Variants in NAV1 observed in about 807,000 individuals in gnomAD.
The protein encoded by NAV1 is neuron navigator 1, also known as pore membrane and/or filament interacting like protein 3.
Under a neutral mutation model 175.2 loss-of-function variants are expected in NAV1, and 18 were observed. The observed-to-expected ratio is 0.10, with a 90% confidence interval of 0.07 to 0.15. The LOEUF is 0.15. Ranked by LOEUF, NAV1 falls within the 10% of genes least tolerant of loss-of-function variation. NAV1 has a pLI of 1.00. For missense variants in NAV1, 1,731 were observed against 2,436.6 expected (o/e 0.71, Z 6.10); for synonymous variants, 897 against 978.7 (o/e 0.92, Z 1.56).
At chr1:201,686,225 G>A (rs1670681480) in intron 1 of NAV1, among the ~76,000 whole-genome samples, 1 of 130,404 alleles carries the variant, frequency 7.7e-6, no homozygotes. Context: ...AACTGCATCT[G>A]CCCCTCCTCT....
intron 1 of NAV1, among the ~76,000 whole-genome samples, chr1:201,706,624 GA>G (rs1671681758): frequency 6.6e-6 from 1 of 152,170 alleles, no homozygotes; most frequent in African/African-American, 2.4e-5. Context: ...GCCATGACTT[GA>G]AAACATTCTT....
chr1:201,557,627 T>C (rs1666067796), intron 1 of NAV1, among the ~76,000 whole-genome samples: 1 of 152,242 alleles, frequency 6.6e-6, no homozygotes, highest in East Asian at 1.9e-4. Context: ...GTTCCTGATC[T>C]TCCCAGTTTT....
chr1:201,637,472 C>T (rs1488406324), intron 2 of NAV1, among the ~76,000 whole-genome samples: 1 of 152,148 alleles, frequency 6.6e-6, no homozygotes, highest in South Asian at 2.1e-4. Context: ...GTGATGTCAT[C>T]ACTGTGTTGA....
chr1:201,730,280 T>C (rs1464867657), intron 3 of NAV1, among the ~76,000 whole-genome samples: 7 of 152,228 alleles, frequency 4.6e-5, no homozygotes, highest in African/African-American at 1.7e-4. Context: ...TCTTCCCCCC[T>C]CCAATTTACA....
intron 1 of NAV1, among the ~76,000 whole-genome samples, chr1:201,567,489 G>A (rs1666390942): frequency 6.6e-6 from 1 of 152,210 alleles, no homozygotes; most frequent in South Asian, 2.1e-4. Context: ...GCGAGCCAGA[G>A]CTCAGCCACC....
chr1:201,792,545 G>C (rs1272679058), intron 13 of NAV1: 1 of 152,376 alleles, frequency 6.6e-6, no homozygotes, highest in Non-Finnish European at 1.5e-5. Flanking sequence ...CAGCACAGAA[G>C]AGCATACAGG....
intron 3 of NAV1, among the ~76,000 whole-genome samples, chr1:201,736,323 T>G (rs1673111308): frequency 1.3e-5 from 2 of 152,176 alleles, no homozygotes; most frequent in Non-Finnish European, 2.9e-5. Flanking sequence ...CAGGTGACCC[T>G]GGAACCCAGA....
chr1:201,716,800 C>T lies in NAV1; in HGVS notation c.861-1590C>T, dbSNP rs1005602821. ...GGCTGAGGCAGGAGGGTCACTTGAG[C>T]TCGGGAGGTCAAGGCTGCAGTGAGC... On this transcript the variant is annotated intron_variant, in intron 2 of 29. Coordinates refer to ENST00000367296, the Ensembl canonical transcript of NAV1. 5.3e-5 allele frequency among the ~76,000 whole-genome samples: 8 copies of T among 152,342 alleles called. No homozygotes were observed. The East Asian group carries it at 1.2e-3, about 22-fold the overall frequency.
chr1:201,629,931 C>T (rs1289192879), intron 2 of NAV1, among the ~76,000 whole-genome samples: 1 of 152,238 alleles, frequency 6.6e-6, no homozygotes, highest in Non-Finnish European at 1.5e-5. Flanking sequence ...TAACAGGCCA[C>T]TCCCACACAT....
At chr1:201,767,316 T>C (rs1482570185) in intron 3 of NAV1, among the ~76,000 whole-genome samples, 5 of 151,528 alleles carry the variant, frequency 3.3e-5, no homozygotes, top group Non-Finnish European at 7.4e-5. Context: ...CTGGGCATGG[T>C]GGTGGGCACC....
chr1:201,692,090 G>C (rs1350074022), intron 1 of NAV1, among the ~76,000 whole-genome samples: 3 of 152,194 alleles, frequency 2.0e-5, no homozygotes, highest in African/African-American at 7.2e-5. Context: ...CCTTGTGGCT[G>C]AGTTCTCGTC....
In NAV1 at chr1:201,688,741, G is replaced by A. The variant is rs558491990; in HGVS notation, c.758-24076G>A. ...ATTATTCTGTCCGATAATCGTCTTC[G>A]GAAGCAAAGGATTCATTAGCGTCTC... On this transcript the variant is annotated intron_variant, in intron 1 of 29. Coordinates refer to ENST00000367296, the Ensembl canonical transcript of NAV1. 3.3e-5 allele frequency among the ~76,000 whole-genome samples: 5 copies of A among 152,286 alleles called. No individual in the cohort carries two copies. In the East Asian group the frequency reaches 5.8e-4, roughly 18 times the overall value.
In NAV1 at chr1:201,780,413, T is replaced by C. The variant is rs1676244235; in HGVS notation, c.1227-8T>C. The stretch of plus-strand genomic sequence containing the variant: ...TAACGATTGACCTTCATCTCTCCTG[T>C]CCTGTAGCTGGGATGAAAGCAGCTC... On this transcript the variant is annotated splice_region_variant and splice_polypyrimidine_tract_variant and intron_variant, in intron 3 of 29. Coordinates refer to ENST00000367296, the Ensembl canonical transcript of NAV1. 1 of 1,614,102 alleles carries C rather than the reference T, an allele frequency of 6.2e-7. No homozygotes were observed.
chr1:201,753,048 C>A (rs1233115626), intron 3 of NAV1, among the ~76,000 whole-genome samples: 3 of 152,098 alleles, frequency 2.0e-5, no homozygotes, highest in African/African-American at 7.2e-5. Context: ...TGTATAGTAT[C>A]TCAGCTCTGT....
chr1:201,652,931 C>T (rs116443569), intron 1 of NAV1, among the ~76,000 whole-genome samples: 1,694 of 152,290 alleles, frequency 0.011, 24 homozygotes, highest in African/African-American at 0.039. Flanking sequence ...CTACCTTAAA[C>T]GTGCTCAGAA....
rs1418050719 is a variant in NAV1 at position 201,780,377 on chromosome 1, G to T, written c.1227-44G>T. 1.9e-6 allele frequency: 3 copies of T among 1,607,250 alleles called. No homozygotes were observed. The Admixed American group carries it at 5.1e-5, about 27-fold the overall frequency. ...ATGTGAAACATTTATTTTTTGCCTG[G>T]GCTTCTGTTTTAACGATTGACCTTC... is the stretch of plus-strand genomic sequence containing the variant. On this transcript the variant is annotated intron_variant, in intron 3 of 29. Coordinates refer to ENST00000367296, the Ensembl canonical transcript of NAV1.
Position 201,539,291 on chromosome 1 carries a change from G to C in NAV1, c.-195G>C, listed in dbSNP as rs1030993007. ...ACCCGCGCTGCCCTTGGGGATGCGC[G>C]ACTCTGCGCGGCTGCGGCGCGGACC... On this transcript the variant is annotated 5_prime_UTR_variant, in exon 1 of 34. Transcript: ENST00000685211. This position sits in a 1 kb window ranked among gnomAD's most constrained non-coding sequence, Gnocchi z 5.6. Among the ~76,000 whole-genome samples, 4 of 151,932 alleles carry C rather than the reference G, an allele frequency of 2.6e-5. No individual in the cohort carries two copies. Among genetic ancestry groups the C allele is most frequent in the African/African-American group, 4.8e-5 (2 of 41,428 alleles).
intron 2 of NAV1, among the ~76,000 whole-genome samples, chr1:201,596,787 C>G (rs1192165287): frequency 1.3e-5 from 2 of 151,750 alleles, no homozygotes; most frequent in African/African-American, 4.9e-5. Flanking sequence ...ACAAGCAGGG[C>G]GGGTTGTTTT....
At chr1:201,616,900 C>A (rs1204044730) in intron 2 of NAV1, among the ~76,000 whole-genome samples, 1 of 152,214 alleles carries the variant, frequency 6.6e-6, no homozygotes, top group Non-Finnish European at 1.5e-5. Context: ...TGGGTCTCAG[C>A]CATTGCAATT....
Sources: allele counts gnomAD v4.1 joint callset (sites outside exome capture counted in the v4.1 genomes callset), GRCh38; gene constraint gnomAD v4.1.1; non-coding constraint Gnocchi (gnomAD v3.1); transcripts MANE v1.5; gene names NCBI Gene and HGNC (gene_info 2026-07-23, HGNC 2026-07-21).